Variants in TECPR2 observed in about 807,000 individuals in gnomAD.
TECPR2 encodes the protein tectonin beta-propeller repeat containing 2, also known as tectonin beta-propeller repeat-containing protein 2.
Under a neutral mutation model 138.1 loss-of-function variants are expected in TECPR2, and 65 were observed. The observed-to-expected ratio is 0.47, with a 90% CI of 0.39 to 0.58. The LOEUF (loss-of-function observed/expected upper bound fraction) is 0.58, where lower values mean the gene tolerates loss of function less well. TECPR2 is among the 20% of genes least tolerant of loss of function. The probability of loss-of-function intolerance (pLI) is 0.00; values close to 1 mark genes in which losing one functional copy is unlikely to be tolerated. For missense variants in TECPR2, 1,553 were observed against 1,824.5 expected (o/e 0.85, Z 2.71); for synonymous variants, 746 against 749.8 (o/e 0.99, Z 0.08).
intron 3 of TECPR2, 85 bp from the exon 4 acceptor site, chr14:102,408,403 T>G: frequency 7.0e-7 from 1 of 1,427,378 alleles, no homozygotes; most frequent in Non-Finnish European, 9.4e-7. Flanking sequence ...TAACTAGGAG[T>G]GATTGTATAC....
intron 10 of TECPR2, among the ~76,000 whole-genome samples, chr14:102,438,988 A>G (rs1303070552): frequency 2.0e-5 from 3 of 149,974 alleles, no homozygotes; most frequent in Non-Finnish European, 4.4e-5. Flanking sequence ...CAGCCTCCCC[A>G]GTAGCTGGGA....
intron 13 of TECPR2, among the ~76,000 whole-genome samples, chr14:102,446,614 A>AAG (rs565821227): frequency 5.9e-5 from 9 of 151,836 alleles, no homozygotes; most frequent in Non-Finnish European, 1.2e-4. Context: ...AAAAATAAAA[A>AAG]AGAGAGAGAG....
chr14:102,423,866 G>T (rs1275802034), intron 5 of TECPR2, among the ~76,000 whole-genome samples: 2 of 152,188 alleles, frequency 1.3e-5, no homozygotes, highest in African/African-American at 4.8e-5. Flanking sequence ...TAGATGGGTT[G>T]CTGTGAAGCT....
chr14:102,459,129 C>T (rs965687482), intron 16 of TECPR2, among the ~76,000 whole-genome samples: 2 of 152,030 alleles, frequency 1.3e-5, no homozygotes, highest in Non-Finnish European at 2.9e-5. Context: ...TGGGGTCTCA[C>T]TATGTTGCCT....
intron 7 of TECPR2, among the ~76,000 whole-genome samples, 189 bp from the exon 8 acceptor site, chr14:102,431,607 G>T (rs1049249560): frequency 6.6e-6 from 1 of 152,176 alleles, no homozygotes; most frequent in Non-Finnish European, 1.5e-5. Flanking sequence ...CTCCCAAAGT[G>T]CTGGGATTAC....
intron 2 of TECPR2, among the ~76,000 whole-genome samples, chr14:102,383,530 C>T (rs549562481): frequency 1.3e-5 from 2 of 151,904 alleles, no homozygotes; most frequent in Non-Finnish European, 2.9e-5. Flanking sequence ...GCTTCAGCCT[C>T]CTGAGTAGCT....
chr14:102,453,668 G>T (rs529022295), intron 16 of TECPR2, among the ~76,000 whole-genome samples: 1 of 152,108 alleles, frequency 6.6e-6, no homozygotes, highest in African/African-American at 2.4e-5. Context: ...CCCAGGGCCC[G>T]GATGAGCCCT....
Position 102,438,041 on chromosome 14 carries a change from G to A in TECPR2, c.2414G>A (p.Gly805Asp), listed in dbSNP as rs201418942. 55 of 1,614,040 alleles carry A rather than the reference G, an allele frequency of 3.4e-5. No homozygotes were observed. Among genetic ancestry groups the A allele is most frequent in the Non-Finnish European group, 4.6e-5 (54 of 1,179,970 alleles). ...KPDQFAESWM[G>D]YSGPGYGILS... ...TGTTAGTTTGCAGAAAGCTGGATGG[G>A]CTACTCGGGTCCCGGCTATGGCATC... The change falls in exon 10 of 20, where the codon GGC becomes GAC. Residue 805 changes from glycine to aspartate, a missense_variant. Gly to Asp is a moderately conservative substitution (Grantham distance 94). Coordinates refer to ENST00000359520, the MANE Select transcript of TECPR2 (RefSeq NM_014844.5).
rs746637950 is a variant in TECPR2 at position 102,455,298 on chromosome 14, C to T, written c.3640+2671C>T. Among the ~76,000 whole-genome samples, 17 of 152,136 alleles carry T rather than the reference C, an allele frequency of 1.1e-4. 1 individual carries two copies. In the South Asian group the frequency reaches 1.2e-3, roughly 11 times the overall value. On this transcript the variant is annotated intron_variant, in intron 16 of 19. Coordinates refer to ENST00000359520, the MANE Select transcript of TECPR2 (RefSeq NM_014844.5). ...TCATTAGCAAATCAATGTCAGTATCCGGCTGACCCCGAAATGAATCAGACA... is the reference window on the plus strand; with the variant it reads ...TCATTAGCAAATCAATGTCAGTATCTGGCTGACCCCGAAATGAATCAGACA...
intron 5 of TECPR2, among the ~76,000 whole-genome samples, chr14:102,421,419 T>G (rs1341422297): frequency 4.6e-5 from 7 of 152,240 alleles, no homozygotes; most frequent in Non-Finnish European, 1.0e-4. Flanking sequence ...TATAATATCC[T>G]CCTTGGACCC....
intron 17 of TECPR2, among the ~76,000 whole-genome samples, chr14:102,487,022 G>A (rs1044939174): frequency 6.6e-6 from 1 of 152,282 alleles, no homozygotes; most frequent in East Asian, 1.9e-4. Flanking sequence ...GAGGCTGCAC[G>A]GATAGACGGA....
In TECPR2 at chr14:102,384,684, A is replaced by AT. The variant is rs1352273438; in HGVS notation, c.219+7744_219+7745insT. 3.1e-4 allele frequency among the ~76,000 whole-genome samples: 45 copies of AT among 146,632 alleles called. 1 individual carries two copies. The highest frequency in any genetic ancestry group is 3.6e-3 in the Middle Eastern group (1 of 280). ...GGAGCAAGACACCACCTCAAAAAAA[A>AT]ATATATATATATATATGTGTGTGTG... On this transcript the variant is annotated intron_variant, in intron 2 of 19. Transcript: ENST00000359520.
rs189815279 is a variant in TECPR2, at chr14:102,431,319, T to C, written c.1085-477T>C. On this transcript the variant is annotated intron_variant, in intron 7 of 19. Coordinates refer to ENST00000359520, the MANE Select transcript of TECPR2 (RefSeq NM_014844.5). ...AAACTGTTTCTTAGAGTCTTTTGTA[T>C]GATTCTTTTAGTTTTGGTGGATTTT... Among the ~76,000 whole-genome samples, 13 of 151,290 alleles carry C rather than the reference T, an allele frequency of 8.6e-5. No homozygotes were observed. In the East Asian group the frequency reaches 2.5e-3, roughly 29 times the overall value.
chr14:102,431,993 C>T lies in TECPR2; in HGVS notation c.1282C>T (p.Gln428Ter). 1.9e-6 allele frequency: 3 copies of T among 1,612,886 alleles called. No individual in the cohort carries two copies. Reference sequence around the variant, plus strand: ...CTCCGGGCTCCTGCCCCCTGGGCTCCAGGCCACCCCTGAGCTGGGCAAGGG... The same window carrying T: ...CTCCGGGCTCCTGCCCCCTGGGCTCTAGGCCACCCCTGAGCTGGGCAAGGG... ...SGSGLLPPGL[Q>*]ATPELGKGSQ... Residue 428 changes from glutamine (Q) to a stop codon, truncating the protein, a stop_gained, in exon 8 of 20, where the codon CAG (glutamine) becomes TAG (stop). Coordinates refer to ENST00000359520, the MANE Select transcript of TECPR2 (RefSeq NM_014844.5). LOFTEE classifies it high-confidence loss of function.
In TECPR2 at chr14:102,415,514, C is replaced by T. The variant is rs1308809210; in HGVS notation, c.638+721C>T. Among the ~76,000 whole-genome samples, 3 of 152,114 alleles carry T rather than the reference C, an allele frequency of 2.0e-5. No individual in the cohort carries two copies. The highest frequency in any genetic ancestry group is 7.2e-5 in the African/African-American group (3 of 41,396). On this transcript the variant is annotated intron_variant, in intron 5 of 19. Coordinates refer to ENST00000359520, the MANE Select transcript of TECPR2 (RefSeq NM_014844.5). The surrounding 1 kb of genome is among the most constrained non-coding windows in gnomAD (Gnocchi z 4.3). ...GGGGAACCTGTAATTCATCATCCCA[C>T]CCTAGCCTGTAAAGCACTCTTGTAG...
intron 7 of TECPR2, among the ~76,000 whole-genome samples, chr14:102,430,107 C>T (rs1370422460): frequency 6.6e-6 from 1 of 152,050 alleles, no homozygotes; most frequent in East Asian, 1.9e-4. Context: ...GCTGGGATTA[C>T]AGGTGTGCAC....
At chr14:102,461,385 T>A (rs978657284) in intron 16 of TECPR2, among the ~76,000 whole-genome samples, 2 of 152,250 alleles carry the variant, frequency 1.3e-5, no homozygotes, top group Non-Finnish European at 2.9e-5. Flanking sequence ...TACGCAGTAA[T>A]TTATACAGAA....
At chr14:102,416,110 TTTTTTC>T (rs1010792160) in intron 5 of TECPR2, among the ~76,000 whole-genome samples, 2 of 152,320 alleles carry the variant, frequency 1.3e-5, no homozygotes, top group Non-Finnish European at 2.9e-5. Flanking sequence ...GAACACCTTC[TTTTTTC>T]TTTTTCTTTT....
intron 2 of TECPR2, among the ~76,000 whole-genome samples, chr14:102,385,179 C>T (rs1887963517): frequency 1.3e-5 from 2 of 151,950 alleles, no homozygotes; most frequent in Non-Finnish European, 2.9e-5. Context: ...GTATGGAGTG[C>T]TTCACAAATT....
Sources: gnomAD v4.1 joint callset for allele counts (sites outside exome capture counted in the v4.1 genomes callset) on GRCh38, gnomAD v4.1.1 for gene constraint, Gnocchi (gnomAD v3.1) non-coding constraint, MANE v1.5 for transcripts, NCBI Gene and HGNC (gene_info 2026-07-23, HGNC 2026-07-21) for gene names.